Variants in KDM7A observed in about 807,000 individuals in gnomAD.
The protein encoded by KDM7A is lysine-specific demethylase 7A.
In KDM7A, 28 loss-of-function variants were observed where a neutral mutation model predicts 114.8. The ratio of observed to expected loss-of-function variants is 0.24; its 90% confidence interval spans 0.18 to 0.33. The LOEUF is 0.33. Among genes scored for constraint, KDM7A ranks in the 10% least tolerant of loss-of-function variants. The pLI is 1.00. For missense variants in KDM7A, 942 were observed against 1,142.5 expected (o/e 0.82, Z 2.53); for synonymous variants, 423 against 397.8 (o/e 1.06, Z -0.75).
chr7:140,130,569 C>A (rs145558608), intron 3 of KDM7A, among the ~76,000 whole-genome samples: 8,883 of 150,692 alleles, frequency 0.059, 335 homozygotes, highest in East Asian at 0.13. Context: ...TGCAGTGAGC[C>A]GAGATCTCAC....
Position 140,141,808 on chromosome 7 carries a change from C to T in KDM7A, c.195-2618G>A, listed in dbSNP as rs143124964. ...ACTTGGGAGGCTGAGCCAGGAGAAT[C>T]GCTTGAACCCAGGACGTGGAGGTTG... On this transcript the variant is annotated intron_variant, in intron 1 of 19. Coordinates refer to ENST00000397560, the MANE Select transcript of KDM7A (RefSeq NM_030647.2). 4.2e-3 allele frequency among the ~76,000 whole-genome samples: 642 copies of T among 151,378 alleles called. 8 individuals carry two copies. The highest frequency in any genetic ancestry group is 0.015 in the African/African-American group (612 of 41,326).
intron 1 of KDM7A, among the ~76,000 whole-genome samples, chr7:140,166,326 T>C (rs943150264): frequency 6.7e-6 from 1 of 149,764 alleles, no homozygotes; most frequent in African/African-American, 2.5e-5. Context: ...TGAGGAATAC[T>C]TTTTTTTCCT....
intron 1 of KDM7A, among the ~76,000 whole-genome samples, chr7:140,152,435 G>A (rs1285372172): frequency 2.0e-5 from 3 of 152,052 alleles, no homozygotes; most frequent in African/African-American, 7.2e-5. Flanking sequence ...GACCAGCCTG[G>A]GCGACAAGGC....
intron 7 of KDM7A, among the ~76,000 whole-genome samples, chr7:140,123,868 G>T (rs1358891187): frequency 6.6e-6 from 1 of 152,032 alleles, no homozygotes; most frequent in Admixed American, 6.6e-5. Flanking sequence ...TCAGGAGATT[G>T]AGACCATCCT....
intron 1 of KDM7A, among the ~76,000 whole-genome samples, chr7:140,147,689 T>C (rs1218783170): frequency 2.6e-5 from 4 of 152,198 alleles, no homozygotes; most frequent in Non-Finnish European, 5.9e-5. Flanking sequence ...ATACAGAGGA[T>C]AGCTGACAGC....
At chr7:140,119,595 T>TAGGCTCCACTAGGCATTCCAGCTCA in intron 8 of KDM7A, among the ~76,000 whole-genome samples, 1 of 152,202 alleles carries the variant, frequency 6.6e-6, no homozygotes, top group East Asian at 1.9e-4. Context: ...AAGTTTTATT[T>TAGGCTCCACTAGGCATTCCAGCTCA]AGGCTCCACT....
chr7:140,145,224 GTT>G (rs942735124), intron 1 of KDM7A, among the ~76,000 whole-genome samples: 1 of 152,124 alleles, frequency 6.6e-6, no homozygotes, highest in African/African-American at 2.4e-5. Context: ...CAGAGTTGGG[GTT>G]TTTGTAGGTA....
chr7:140,095,391 T>G (rs1410824536), intron 17 of KDM7A, among the ~76,000 whole-genome samples: 1 of 152,196 alleles, frequency 6.6e-6, no homozygotes, highest in Non-Finnish European at 1.5e-5. Context: ...GGCAACTTAT[T>G]TATCCTCTCC....
At chr7:140,162,315 A>G (rs1381467719) in intron 1 of KDM7A, among the ~76,000 whole-genome samples, 1 of 150,240 alleles carries the variant, frequency 6.7e-6, no homozygotes, top group Non-Finnish European at 1.5e-5. Flanking sequence ...AGCCTGGGCA[A>G]AAAGAGTGAA....
Position 140,086,315 on chromosome 7 carries a change from C to CA in KDM7A, c.*4778dup, listed in dbSNP as rs1161543921. On this transcript the variant is annotated 3_prime_UTR_variant, in exon 20 of 20. Coordinates refer to ENST00000397560, the MANE Select transcript of KDM7A (RefSeq NM_030647.2). ...TACTTGTTAAGACAAAGTCTTAAGA[C>CA]ACTAGAAGGGGCACCAGGGGGAAGG... 6.6e-6 allele frequency: 1 copy of CA among 152,022 alleles called. No individual in the cohort carries two copies. Among genetic ancestry groups the CA allele is most frequent in the Non-Finnish European group, 1.5e-5 (1 of 68,020 alleles). The allele number at this position is 152,022 out of a possible 1,614,324, so 9.4% of individuals were successfully genotyped here. A position where few individuals can be genotyped will look rare whatever the true frequency, so the allele number is the denominator to read the frequency against.
chr7:140,130,250 G>A (rs1466248106), intron 3 of KDM7A, among the ~76,000 whole-genome samples: 7 of 152,168 alleles, frequency 4.6e-5, no homozygotes. Context: ...TTTAAGTTAA[G>A]TAGAAACACC....
rs1817923755 is a variant in KDM7A at position 140,086,357 on chromosome 7, T to C, written c.*4737A>G. 6.6e-6 allele frequency: 1 copy of C among 152,116 alleles called. No individual in the cohort carries two copies. Among genetic ancestry groups the C allele is most frequent in the Non-Finnish European group, 1.5e-5 (1 of 68,032 alleles). 9.4% of individuals were successfully genotyped at this position (152,116 alleles called of 1,614,324 possible). On this transcript the variant is annotated 3_prime_UTR_variant, in exon 20 of 20. Transcript: ENST00000397560. ...GGGGGAAGGGGAGAACCTAAGGATA[T>C]TGCAAAAGAGTATTATTTTCTCCTC... is the stretch of plus-strand genomic sequence containing the variant.
intron 1 of KDM7A, among the ~76,000 whole-genome samples, chr7:140,168,967 C>T (rs1216957763): frequency 3.3e-5 from 5 of 152,088 alleles, no homozygotes; most frequent in Admixed American, 6.6e-5. Context: ...ACTTACAGTT[C>T]GTAATATATA....
At chr7:140,153,111 G>A (rs1488885882) in intron 1 of KDM7A, among the ~76,000 whole-genome samples, 1 of 151,840 alleles carries the variant, frequency 6.6e-6, no homozygotes, top group Non-Finnish European at 1.5e-5. Context: ...GCCCACCTCG[G>A]CCTCCCAAAG....
chr7:140,147,022 T>G (rs1409666009), intron 1 of KDM7A, among the ~76,000 whole-genome samples: 1 of 152,170 alleles, frequency 6.6e-6, no homozygotes, highest in East Asian at 1.9e-4. Flanking sequence ...CATTCTTCAC[T>G]GAATGATCTT....
At position 140,091,234 on chromosome 7, in the gene KDM7A, T is replaced by G. The variant is rs16882307; in HGVS notation, c.2732-46A>C. ...GTGTAAGTAATGATGAAAAGTACACTTAAGAGAGCACCTGGAAGACTACGG... is the reference window on the plus strand; with the variant it reads ...GTGTAAGTAATGATGAAAAGTACACGTAAGAGAGCACCTGGAAGACTACGG... On this transcript the variant is annotated intron_variant, in intron 19 of 19. Transcript: ENST00000397560. 2.3e-3 allele frequency: 2,950 copies of G among 1,297,966 alleles called. 43 individuals are homozygous for G. In the African/African-American group the frequency reaches 0.038, roughly 17 times the overall value. The allele number at this position is 1,297,966 out of a possible 1,614,324, so 80.4% of individuals were successfully genotyped here.
rs749538996 is a variant in KDM7A, at chr7:140,111,124, C to T, written c.1399G>A (p.Glu467Lys). The T allele has an allele frequency of 6.2e-7, 1 of 1,603,116 alleles. No homozygotes were observed. The highest frequency in any genetic ancestry group is 1.3e-5 in the African/African-American group (1 of 74,818). ...ATTGCTCGAATTACTTTAGAAAGTTCTTTAATAAGGTGTCCAGGTCTAACA... is the reference window on the plus strand; with the variant it reads ...ATTGCTCGAATTACTTTAGAAAGTTTTTTAATAAGGTGTCCAGGTCTAACA... Reference protein sequence around the residue: ...DNVRPGHLIKELSKVIRAIEE... With the variant: ...DNVRPGHLIKKLSKVIRAIEE... Residue 467 changes from glutamate to lysine, a missense_variant, in exon 11 of 20, where the codon GAA (glutamate) becomes AAA (lysine). Physicochemically the swap from Glu to Lys is moderately conservative, Grantham distance 56. Coordinates refer to ENST00000397560, the MANE Select transcript of KDM7A (RefSeq NM_030647.2).
At chr7:140,103,109 C>T (rs761902646) in intron 11 of KDM7A, among the ~76,000 whole-genome samples, 3 of 152,014 alleles carry the variant, frequency 2.0e-5, no homozygotes, top group Non-Finnish European at 4.4e-5. Context: ...ACTGTACCCA[C>T]TACACAATAA....
At chr7:140,164,942 T>C (rs1241923436) in intron 1 of KDM7A, among the ~76,000 whole-genome samples, 2 of 152,222 alleles carry the variant, frequency 1.3e-5, no homozygotes, top group African/African-American at 4.8e-5. Flanking sequence ...AAGAAGACCA[T>C]GGTGCCTGGC....
Sources: allele counts gnomAD v4.1 joint callset (sites outside exome capture counted in the v4.1 genomes callset), GRCh38; gene constraint gnomAD v4.1.1; transcripts MANE v1.5; gene names NCBI Gene and HGNC (gene_info 2026-07-23, HGNC 2026-07-21).